The following KIAA1217 variants were observed in gnomAD, a reference collection of about 807,000 sequenced individuals.
KIAA1217 encodes sickle tail protein homolog.
In KIAA1217, 88 loss-of-function variants were observed where a neutral mutation model predicts 163.9. That is an observed-to-expected ratio of 0.54 (90% CI 0.45 to 0.64). The LOEUF (loss-of-function observed/expected upper bound fraction) is 0.64. Ranked by LOEUF, KIAA1217 falls within the 30% of genes least tolerant of loss-of-function variation. KIAA1217 has a pLI of 0.00. For missense variants in KIAA1217, 2,372 were observed against 2,475.0 expected, an observed-to-expected ratio of 0.96 and a Z score of 0.88; for synonymous variants, 903 against 923.1, an observed-to-expected ratio of 0.98 and a Z score of 0.39.
chr10:24,376,942 A>C (rs924635223), intron 2 of KIAA1217, among the ~76,000 whole-genome samples: 24 of 152,338 alleles, frequency 1.6e-4, no homozygotes, highest in African/African-American at 5.8e-4. Context: ...AGGTTACCAC[A>C]TGACAGTTAC....
intron 5 of KIAA1217, among the ~76,000 whole-genome samples, chr10:24,448,084 C>G (rs1341260755): frequency 6.6e-6 from 1 of 152,024 alleles, no homozygotes; most frequent in Non-Finnish European, 1.5e-5. Context: ...GAGCCAAGAT[C>G]ACACCACTGT....
At chr10:24,102,516 AT>A in intron 2 of KIAA1217, among the ~76,000 whole-genome samples, 1 of 152,356 alleles carries the variant, frequency 6.6e-6, no homozygotes, top group East Asian at 1.9e-4. Context: ...CCTGAAAGTT[AT>A]TTCATGAATA....
At chr10:23,901,873 C>T (rs1236453415) in intron 1 of KIAA1217, among the ~76,000 whole-genome samples, 7 of 144,206 alleles carry the variant, frequency 4.9e-5, no homozygotes, top group Non-Finnish European at 1.0e-4. Context: ...ATTGTACCAC[C>T]ACTACACTCC....
chr10:24,483,064 A>G (rs977667952), intron 6 of KIAA1217: 1 of 152,006 alleles, frequency 6.6e-6, no homozygotes, highest in Non-Finnish European at 1.5e-5. Flanking sequence ...TGCAGGGCCA[A>G]CTTGTATCAC....
chr10:24,146,300 T>C (rs1392357352), intron 2 of KIAA1217, among the ~76,000 whole-genome samples: 1 of 152,188 alleles, frequency 6.6e-6, no homozygotes. Context: ...CCATTCTAAG[T>C]TTTTAAGTTA....
intron 1 of KIAA1217, among the ~76,000 whole-genome samples, chr10:23,790,547 A>ATG (rs1377160857): frequency 8.4e-6 from 1 of 119,724 alleles, no homozygotes; most frequent in African/African-American, 3.8e-5. Flanking sequence ...ACATGTGCAT[A>ATG]TATACATATG....
intron 2 of KIAA1217, among the ~76,000 whole-genome samples, chr10:24,253,636 G>A (rs2074805407): frequency 1.3e-5 from 2 of 152,072 alleles, no homozygotes; most frequent in African/African-American, 4.8e-5. Context: ...GGAGGCTGAG[G>A]CAGAAGAATC....
intron 3 of KIAA1217, among the ~76,000 whole-genome samples, chr10:24,395,654 A>G (rs2055627232): frequency 6.6e-6 from 1 of 152,146 alleles, no homozygotes; most frequent in Non-Finnish European, 1.5e-5. Flanking sequence ...CATTTGGTTC[A>G]TAAAAGGAAC....
intron 2 of KIAA1217, among the ~76,000 whole-genome samples, chr10:24,165,517 G>C (rs2065304417): frequency 6.6e-6 from 1 of 152,142 alleles, no homozygotes; most frequent in African/African-American, 2.4e-5. Context: ...AATGGAGGTG[G>C]AGGTGGAGGA....
At chr10:23,816,508 G>T (rs1837320776) in intron 1 of KIAA1217, among the ~76,000 whole-genome samples, 1 of 152,128 alleles carries the variant, frequency 6.6e-6, no homozygotes, top group African/African-American at 2.4e-5. Flanking sequence ...GGCCAGTCTT[G>T]TCTCAAACTC....
At chr10:23,866,283 T>C (rs1226722908) in intron 1 of KIAA1217, among the ~76,000 whole-genome samples, 1 of 152,198 alleles carries the variant, frequency 6.6e-6, no homozygotes, top group African/African-American at 2.4e-5. Flanking sequence ...GCCATCATCA[T>C]AGTTGCTTCA....
In KIAA1217 at chr10:24,543,225, G is replaced by A. The variant is rs201222136; in HGVS notation, c.3955G>A (p.Val1319Ile). The A allele has an allele frequency of 5.1e-5, 83 of 1,613,626 alleles. 3 individuals carry two copies. The South Asian group carries it at 5.2e-4, about 10-fold the overall frequency. Residue 1319 changes from valine (V) to isoleucine (I), a missense_variant, in exon 19 of 21, where the codon GTT becomes ATT. Around this residue, in one of 3 missense-constraint regions of KIAA1217, gnomAD observed 251 missense variants for 327.3 expected, o/e 0.77. Coordinates refer to ENST00000376454, the MANE Select transcript of KIAA1217 (RefSeq NM_019590.5). ...MEKQNTDKCH[V>I]SSHTRLTESS... ...AAAGCAAAATACGGATAAGTGTCAC[G>A]TTTCCTCTCACACTAGACTAACAGA...
chr10:24,473,850 A>G lies in KIAA1217; in HGVS notation c.1469A>G (p.Tyr490Cys), dbSNP rs771247885. The part of the protein sequence containing the change: ...DLRMIDMHAH[Y>C]NAHGPPHTMQ... ...AGGATGATAGACATGCACGCTCACT[A>G]TAATGCCCACGGCCCCCCTCACACC... Residue 490 changes from tyrosine to cysteine, a missense_variant, in exon 6 of 21, where the codon TAT (tyrosine) becomes TGT (cysteine). Tyr to Cys is a radical substitution (Grantham distance 194). Coordinates refer to ENST00000376454, the MANE Select transcript of KIAA1217 (RefSeq NM_019590.5). The G allele has an allele frequency of 1.3e-5, 21 of 1,614,068 alleles. No individual in the cohort carries two copies. Among genetic ancestry groups the G allele is most frequent in the South Asian group, 3.3e-5 (3 of 91,084 alleles).
intron 2 of KIAA1217, among the ~76,000 whole-genome samples, chr10:24,143,285 G>A (rs1390469886): frequency 6.6e-6 from 1 of 152,102 alleles, no homozygotes; most frequent in East Asian, 1.9e-4. Flanking sequence ...TCTTTTTTGA[G>A]ATGGAGTCTC....
intron 1 of KIAA1217, 146 bp downstream of exon 1, chr10:24,209,409 A>G: frequency 1.6e-6 from 1 of 632,620 alleles, no homozygotes. Context: ...TTCCAAACTG[A>G]GTAGAGCATA....
chr10:23,958,716 A>G (rs1057402545), intron 1 of KIAA1217, among the ~76,000 whole-genome samples: 12 of 152,080 alleles, frequency 7.9e-5, no homozygotes, highest in African/African-American at 2.9e-4. Flanking sequence ...TTGCAAGATG[A>G]AAAACTTAAC....
chr10:24,208,953 G>GGACGGACA (rs2067732014), upstream of KIAA1217: 1 of 363,104 alleles, frequency 2.8e-6, no homozygotes, highest in African/African-American at 2.1e-5. Context: ...ACGGACGGAC[G>GGACGGACA]GACGGACAGA....
rs1005109149 is a variant in KIAA1217, at chr10:24,533,427, G to T, written c.3414+190G>T. ...AACAAGGCTCTCAGGATGCCTATAA[G>T]ATGTGCAAGGAATGACCATTTCACA... On this transcript the variant is annotated intron_variant, in intron 16 of 20. Coordinates refer to ENST00000376454, the MANE Select transcript of KIAA1217 (RefSeq NM_019590.5). 3.9e-5 allele frequency among the ~76,000 whole-genome samples: 6 copies of T among 152,230 alleles called. No individual in the cohort carries two copies. The East Asian group carries it at 1.2e-3, about 29-fold the overall frequency.
chr10:24,542,969 A>G lies in KIAA1217; in HGVS notation c.3699A>G (p.Ser1233=). The G allele has an allele frequency of 6.2e-7, 1 of 1,613,762 alleles. No individual in the cohort carries two copies. Among genetic ancestry groups the G allele is most frequent in the East Asian group, 2.2e-5 (1 of 44,878 alleles). ...ENSISDASRT[S]EYKTEIIMKE... is the part of the protein sequence containing the mutation. ...GTATTTCTGATGCATCAAGAACATC[A>G]GAATATAAAACTGAGATCATAATGA... The change falls in exon 19 of 21, where the codon TCA becomes TCG. Residue 1233 remains serine (S), a synonymous_variant. Transcript: ENST00000376454.
Sources: allele counts gnomAD v4.1 joint callset (sites outside exome capture counted in the v4.1 genomes callset), GRCh38; gene constraint gnomAD v4.1.1; regional missense constraint gnomAD v4.1.1; transcripts MANE v1.5; gene names NCBI Gene and HGNC (gene_info 2026-07-23, HGNC 2026-07-21).